TRAPPC10: variants seen among roughly 807,000 people sequenced by gnomAD.
The protein encoded by TRAPPC10 is trafficking protein particle complex subunit 10.
Under a neutral mutation model 125.5 loss-of-function variants are expected in TRAPPC10, and 23 were observed. The observed-to-expected ratio is 0.18, with a 90% confidence interval of 0.13 to 0.26. TRAPPC10 has a LOEUF of 0.26. Among genes scored for constraint, TRAPPC10 ranks in the 10% least tolerant of loss-of-function variants. TRAPPC10 has a pLI of 1.00. For synonymous variants in TRAPPC10, 509 were observed against 518.0 expected (o/e 0.98, Z 0.24); for missense variants, 1,123 against 1,308.4 (o/e 0.86, Z 2.19).
chr21:44,093,664 G>A (rs8133610), intron 19 of TRAPPC10, among the ~76,000 whole-genome samples: 52,722 of 151,622 alleles, frequency 0.35, 12,718 homozygotes, highest in African/African-American at 0.69. Context: ...AGGCTGATGC[G>A]GAAGAATCAC....
At chr21:44,069,604 C>T (rs186271554) in intron 7 of TRAPPC10, among the ~76,000 whole-genome samples, 19 of 152,210 alleles carry the variant, frequency 1.2e-4, no homozygotes, top group African/African-American at 3.1e-4. Flanking sequence ...TAATGGGTAT[C>T]GCCATTACAA....
intron 13 of TRAPPC10, among the ~76,000 whole-genome samples, chr21:44,080,662 C>T (rs1343808569): frequency 6.6e-6 from 1 of 151,906 alleles, no homozygotes; most frequent in Non-Finnish European, 1.5e-5. Context: ...CTCAGCCTCC[C>T]AAGTAGCTGG....
Position 44,038,034 on chromosome 21 carries a change from T to G in TRAPPC10, c.285+107T>G, listed in dbSNP as rs987337709. The G allele has an allele frequency of 5.5e-6, 8 of 1,441,662 alleles. No individual in the cohort carries two copies. In the African/African-American group the frequency reaches 1.0e-4, roughly 18 times the overall value. The allele number at this position is 1,441,662 out of a possible 1,614,324, so 89.3% of individuals were successfully genotyped here. On this transcript the variant is annotated intron_variant, in intron 3 of 22. Coordinates refer to ENST00000291574, the MANE Select transcript of TRAPPC10 (RefSeq NM_003274.5). ...GAAGAGGACGCGTGGTGGGGTGGAG[T>G]TGGAGATGCGTGGAGAGTGCTGTGT...
rs202139853 is a variant in TRAPPC10, at chr21:44,082,898, A to G, written c.1834A>G (p.Met612Val). 533 of 1,613,974 alleles carry G rather than the reference A, an allele frequency of 3.3e-4. No homozygotes were observed. Among genetic ancestry groups the G allele is most frequent in the Non-Finnish European group, 3.9e-4 (464 of 1,180,022 alleles). Residue 612 changes from methionine (M) to valine (V), a missense_variant, in exon 14 of 23, where the codon ATG becomes GTG. This residue lies in a region of TRAPPC10 where 840 missense variants were observed against 902.0 expected (regional missense o/e 0.93). Transcript: ENST00000291574. This position sits in a 1 kb window ranked among gnomAD's most constrained non-coding sequence, Gnocchi z 4.4. ...CGGCGTTTTGTGCGTTGAGATAACCATGTACAGCCAGATGCCTGTGCCTGT... is the reference window on the plus strand; with the variant it reads ...CGGCGTTTTGTGCGTTGAGATAACCGTGTACAGCCAGATGCCTGTGCCTGT... ...VGGVLCVEIT[M>V]YSQMPVPVHV...
chr21:44,093,952 C>A, intron 19 of TRAPPC10, 111 bp from the exon 20 acceptor site: 1 of 1,158,380 alleles, frequency 8.6e-7, no homozygotes, highest in Non-Finnish European at 1.2e-6. Context: ...GCGGGGCCTG[C>A]CCATGGTGTC....
At chr21:44,049,519 TTGAA>T (rs2035089911) in intron 3 of TRAPPC10, among the ~76,000 whole-genome samples, 3 of 152,210 alleles carry the variant, frequency 2.0e-5, no homozygotes, top group Admixed American at 2.0e-4. Flanking sequence ...GGGACTTAAA[TTGAA>T]TAAAAAGGCA....
Position 44,084,109 on chromosome 21 carries a change from T to A in TRAPPC10, c.2239-13T>A. On this transcript the variant is annotated splice_polypyrimidine_tract_variant and intron_variant, in intron 14 of 22. Coordinates refer to ENST00000291574, the MANE Select transcript of TRAPPC10 (RefSeq NM_003274.5). ...GGTGACGTGGTTTCAAATGCCTGAT[T>A]CTTTGACTCTAGGCCAAGGAACCTG... The A allele has an allele frequency of 6.2e-7, 1 of 1,612,854 alleles. No homozygotes were observed. The highest frequency in any genetic ancestry group is 8.5e-7 in the Non-Finnish European group (1 of 1,179,668).
chr21:44,063,153 G>A lies in TRAPPC10; in HGVS notation c.791-385G>A. On this transcript the variant is annotated intron_variant, in intron 6 of 22. Transcript: ENST00000291574. The surrounding 1 kb of genome is among the most constrained non-coding windows in gnomAD (Gnocchi z 4.4). ...AACACCAGGATGGTCAGAGCAGGCTGCACTCCAGCCCACAGGTAAAGATAA... is the reference window on the plus strand; with the variant it reads ...AACACCAGGATGGTCAGAGCAGGCTACACTCCAGCCCACAGGTAAAGATAA... The A allele has an allele frequency of 7.7e-7, 1 of 1,305,140 alleles. No individual in the cohort carries two copies. 80.8% of individuals were successfully genotyped at this position (1,305,140 alleles called of 1,614,324 possible).
In TRAPPC10 at chr21:44,015,611, T is replaced by A. The variant is rs538100626; in HGVS notation, c.67+3051T>A. Among the ~76,000 whole-genome samples, 388 of 104,242 alleles carry A rather than the reference T, an allele frequency of 3.7e-3. 1 individual carries two copies. Among genetic ancestry groups the A allele is most frequent in the Non-Finnish European group, 4.8e-3 (250 of 52,100 alleles). The allele number at this position is 104,242 out of a possible 152,430, so 68.4% of individuals were successfully genotyped here. Reference sequence around the variant, plus strand: ...TAATAATATTTTGAAGCTCTCCAAATTTTTTTTTTTTTTTTCTGTCTGAGA... The same window carrying A: ...TAATAATATTTTGAAGCTCTCCAAAATTTTTTTTTTTTTTTCTGTCTGAGA... On this transcript the variant is annotated intron_variant, in intron 1 of 22. Transcript: ENST00000291574.
chr21:44,057,567 G>A (rs1433491574), intron 5 of TRAPPC10, among the ~76,000 whole-genome samples: 1 of 152,172 alleles, frequency 6.6e-6, no homozygotes, highest in East Asian at 1.9e-4. Context: ...TTACAAGCCT[G>A]AGCCACTGCA....
At chr21:44,041,973 A>C (rs2034456491) in intron 3 of TRAPPC10, among the ~76,000 whole-genome samples, 1 of 152,048 alleles carries the variant, frequency 6.6e-6, no homozygotes, top group Non-Finnish European at 1.5e-5. Context: ...CGATCTCCCA[A>C]AGTGCTGGGA....
intron 18 of TRAPPC10, among the ~76,000 whole-genome samples, 170 bp downstream of exon 18, chr21:44,090,103 C>T (rs1226233259): frequency 6.6e-6 from 1 of 152,202 alleles, no homozygotes; most frequent in Non-Finnish European, 1.5e-5. Context: ...CCTGTGACAT[C>T]CAGTTCATAT....
chr21:44,072,985 G>C (rs1177167566), intron 7 of TRAPPC10, among the ~76,000 whole-genome samples: 1 of 152,186 alleles, frequency 6.6e-6, no homozygotes, highest in Non-Finnish European at 1.5e-5. Flanking sequence ...GGAGGGACAC[G>C]CTCTGTCCAG....
intron 7 of TRAPPC10, among the ~76,000 whole-genome samples, chr21:44,067,337 A>G (rs1318824679): frequency 6.6e-6 from 1 of 152,134 alleles, no homozygotes; most frequent in Non-Finnish European, 1.5e-5. Context: ...GCAGAGATGT[A>G]GTGTGGGAAT....
At chr21:44,064,517 C>T (rs1161438481) in intron 7 of TRAPPC10, among the ~76,000 whole-genome samples, 1 of 152,106 alleles carries the variant, frequency 6.6e-6, no homozygotes, top group African/African-American at 2.4e-5. Context: ...TTCACACACA[C>T]ACAAAATGAT....
intron 20 of TRAPPC10, among the ~76,000 whole-genome samples, chr21:44,095,501 G>A (rs2038874155): frequency 6.6e-6 from 1 of 151,700 alleles, no homozygotes; most frequent in Admixed American, 6.6e-5. Flanking sequence ...GCCTCCCAAA[G>A]TGCTGGGATT....
At position 44,082,712 on chromosome 21, in the gene TRAPPC10, T is replaced by C. The variant is rs1356181696; in HGVS notation, c.1724-76T>C. The C allele has an allele frequency of 2.3e-5, 35 of 1,534,198 alleles. No homozygotes were observed. Among genetic ancestry groups the C allele is most frequent in the Non-Finnish European group, 2.8e-5 (31 of 1,125,268 alleles). ...TTCAGTCTGCTCTCGGTGATCTTAC[T>C]GTGTCCGCGGCCTGCTGCTGCTTAC... On this transcript the variant is annotated intron_variant, in intron 13 of 22. Coordinates refer to ENST00000291574, the MANE Select transcript of TRAPPC10 (RefSeq NM_003274.5). The surrounding 1 kb of genome is among the most constrained non-coding windows in gnomAD (Gnocchi z 4.4).
At chr21:44,075,281 A>G in intron 9 of TRAPPC10, 128 bp downstream of exon 9, 1 of 648,878 alleles carries the variant, frequency 1.5e-6, no homozygotes, top group Non-Finnish European at 2.7e-6. Context: ...AATTATACCC[A>G]TTGTTAGCTG....
intron 3 of TRAPPC10, among the ~76,000 whole-genome samples, chr21:44,041,790 A>G (rs893948446): frequency 6.6e-6 from 1 of 151,888 alleles, no homozygotes; most frequent in African/African-American, 2.4e-5. Flanking sequence ...GTAGTGGCGC[A>G]TTCTCGACTC....
Sources: allele counts gnomAD v4.1 joint callset (sites outside exome capture counted in the v4.1 genomes callset), GRCh38; gene constraint gnomAD v4.1.1; regional missense constraint gnomAD v4.1.1; non-coding constraint Gnocchi (gnomAD v3.1); transcripts MANE v1.5; gene names NCBI Gene and HGNC (gene_info 2026-07-23, HGNC 2026-07-21).